Variants in SBF2 observed in about 807,000 individuals in gnomAD.
The protein encoded by SBF2 is myotubularin-related protein 13.
Under a neutral mutation model 225.2 loss-of-function variants are expected in SBF2, and 112 were observed. The observed-to-expected ratio is 0.50, with a 90% CI of 0.43 to 0.58. SBF2 has a LOEUF of 0.58. Among genes scored for constraint, SBF2 ranks in the 20% least tolerant of loss-of-function variants. SBF2 has a pLI of 0.00. For synonymous variants in SBF2, 763 were observed against 773.3 expected (o/e 0.99, Z 0.22); for missense variants, 1,996 against 2,206.2 (o/e 0.90, Z 1.91).
intron 4 of SBF2, 106 bp downstream of exon 4, chr11:10,030,942 C>T (rs908736494): frequency 2.0e-6 from 2 of 985,666 alleles, no homozygotes; most frequent in Non-Finnish European, 3.1e-6. Flanking sequence ...AGATGAATTC[C>T]TAAATCAATC....
At chr11:9,889,730 C>A (rs1860636384) in intron 17 of SBF2, among the ~76,000 whole-genome samples, 1 of 152,056 alleles carries the variant, frequency 6.6e-6, no homozygotes, top group East Asian at 1.9e-4. Flanking sequence ...GTGAGAAAAG[C>A]AACACACAAA....
In SBF2 at chr11:9,967,971, CTA is replaced by C. The variant is rs1188261255; in HGVS notation, c.1600+368_1600+369del. On this transcript the variant is annotated intron_variant, in intron 14 of 39. Coordinates refer to ENST00000256190, the MANE Select transcript of SBF2 (RefSeq NM_030962.4). ...TGTCTCTCTCTCTCTCTCTCTCTCT[CTA>C]TATATATATATATATATAAAATATA... Among the ~76,000 whole-genome samples the C allele has an allele frequency of 8.2e-3, 752 of 91,428 alleles. 5 individuals are homozygous for C. Among genetic ancestry groups the C allele is most frequent in the East Asian group, 0.021 (59 of 2,762 alleles). 60.0% of individuals were successfully genotyped at this position (91,428 alleles called of 152,430 possible).
intron 16 of SBF2, chr11:9,959,072 TC>T: frequency 1.3e-6 from 2 of 1,510,232 alleles, no homozygotes; most frequent in Non-Finnish European, 1.8e-6. Flanking sequence ...CCATTCCAGT[TC>T]CCAGGAATGG....
chr11:10,109,898 A>C (rs1952753295), intron 2 of SBF2, among the ~76,000 whole-genome samples: 1 of 152,364 alleles, frequency 6.6e-6, no homozygotes, highest in South Asian at 2.1e-4. Context: ...ATTTTTCATG[A>C]GGGAGAAATA....
chr11:10,263,677 C>T (rs1046095508), intron 1 of SBF2, among the ~76,000 whole-genome samples: 2 of 152,060 alleles, frequency 1.3e-5, no homozygotes, highest in African/African-American at 4.8e-5. Context: ...AAGCCTTTGG[C>T]TACATTAGAG....
intron 1 of SBF2, among the ~76,000 whole-genome samples, chr11:10,269,911 GCCA>G (rs1452232373): frequency 1.3e-5 from 2 of 152,054 alleles, no homozygotes; most frequent in African/African-American, 4.8e-5. Flanking sequence ...ACAGGAGTGA[GCCA>G]CCACATCTAG....
At chr11:10,271,192 G>C (rs1448112593) in intron 1 of SBF2, among the ~76,000 whole-genome samples, 2 of 91,336 alleles carry the variant, frequency 2.2e-5, no homozygotes, top group East Asian at 4.8e-4. Context: ...CAGCAATCTT[G>C]ATTCTTTTTT....
chr11:9,840,489 T>C (rs1450169720), intron 25 of SBF2, among the ~76,000 whole-genome samples: 3 of 152,130 alleles, frequency 2.0e-5, no homozygotes, highest in Non-Finnish European at 2.9e-5. Context: ...CTAAAAACAA[T>C]ATAATTTTGA....
intron 17 of SBF2, among the ~76,000 whole-genome samples, chr11:9,876,489 T>A (rs1859251052): frequency 6.6e-6 from 1 of 152,130 alleles, no homozygotes; most frequent in Non-Finnish European, 1.5e-5. Context: ...AGGATTAGTA[T>A]CCTGAGATAG....
intron 2 of SBF2, among the ~76,000 whole-genome samples, chr11:10,053,296 A>G (rs1950126523): frequency 6.6e-6 from 1 of 152,110 alleles, no homozygotes; most frequent in Non-Finnish European, 1.5e-5. Flanking sequence ...TTATTTTCTC[A>G]GGGAAATAGA....
intron 1 of SBF2, among the ~76,000 whole-genome samples, chr11:10,222,297 A>T (rs1160700645): frequency 6.6e-6 from 1 of 152,236 alleles, no homozygotes; most frequent in Non-Finnish European, 1.5e-5. Context: ...AGACAAAAGG[A>T]AACCAATAGA....
intron 29 of SBF2, among the ~76,000 whole-genome samples, chr11:9,813,468 C>G (rs533975194): frequency 1.3e-5 from 2 of 152,240 alleles, no homozygotes; most frequent in African/African-American, 4.8e-5. Context: ...GCTGGGACTA[C>G]AGTCGTGCGC....
intron 2 of SBF2, among the ~76,000 whole-genome samples, chr11:10,160,280 C>A (rs1363736742): frequency 6.6e-6 from 1 of 152,104 alleles, no homozygotes; most frequent in South Asian, 2.1e-4. Flanking sequence ...TGTCTAATGA[C>A]CAAATTCAAA....
intron 6 of SBF2, among the ~76,000 whole-genome samples, chr11:10,014,094 T>C (rs1318437490): frequency 6.6e-6 from 1 of 152,174 alleles, no homozygotes; most frequent in Non-Finnish European, 1.5e-5. Flanking sequence ...GTCCTAGCCC[T>C]AGTCCAACCA....
chr11:9,896,371 T>C (rs934311892), intron 16 of SBF2, among the ~76,000 whole-genome samples: 1 of 152,244 alleles, frequency 6.6e-6, no homozygotes, highest in Non-Finnish European at 1.5e-5. Context: ...GAAGTTTTAG[T>C]ATATTCAGCA....
At chr11:9,839,227 C>A (rs1855935764) in intron 26 of SBF2, 1 of 449,336 alleles carries the variant, frequency 2.2e-6, no homozygotes, top group Non-Finnish European at 4.1e-6. Context: ...TTTAGTCATG[C>A]TAGAAAAGAA....
chr11:10,293,988 G>C, intron 1 of SBF2, 27 bp downstream of exon 1: 1 of 1,318,324 alleles, frequency 7.6e-7, no homozygotes, highest in Non-Finnish European at 9.7e-7. Flanking sequence ...GGGGAGGCCC[G>C]GGGGCGGTGC....
chr11:10,171,339 T>G (rs1956178866), intron 2 of SBF2, among the ~76,000 whole-genome samples: 1 of 152,212 alleles, frequency 6.6e-6, no homozygotes, highest in African/African-American at 2.4e-5. Flanking sequence ...TTAAACAGTT[T>G]GTATCATAAA....
At chr11:10,061,801 C>T (rs1950456741) in intron 2 of SBF2, among the ~76,000 whole-genome samples, 1 of 152,160 alleles carries the variant, frequency 6.6e-6, no homozygotes, top group African/African-American at 2.4e-5. Flanking sequence ...CTATTCCTAT[C>T]AAACTACCAA....
Sources: allele counts gnomAD v4.1 joint callset (sites outside exome capture counted in the v4.1 genomes callset), GRCh38; gene constraint gnomAD v4.1.1; transcripts MANE v1.5; gene names NCBI Gene and HGNC (gene_info 2026-07-23, HGNC 2026-07-21).